Variants in MAP2K4 observed in about 807,000 individuals in gnomAD.
The protein encoded by MAP2K4 is mitogen-activated protein kinase kinase 4, also known as dual specificity mitogen-activated protein kinase kinase 4.
Under a neutral mutation model 48.5 loss-of-function variants are expected in MAP2K4, and 4 were observed. The observed-to-expected ratio is 0.08, with a 90% CI of 0.04 to 0.19. The LOEUF (loss-of-function observed/expected upper bound fraction) is 0.19, where lower values mean the gene tolerates loss of function less well. Among genes scored for constraint, MAP2K4 ranks in the 10% least tolerant of loss-of-function variants. MAP2K4 has a pLI of 1.00. For missense variants in MAP2K4, 258 were observed against 493.3 expected, an observed-to-expected ratio of 0.52 and a Z score of 4.52; for synonymous variants, 166 against 173.1, an observed-to-expected ratio of 0.96 and a Z score of 0.32.
At chr17:12,057,313 A>G (rs865875701) in intron 2 of MAP2K4, among the ~76,000 whole-genome samples, 1 of 152,216 alleles carries the variant, frequency 6.6e-6, no homozygotes. Context: ...AAAGACAGGC[A>G]GGGAAGGTTG....
chr17:12,072,220 A>G (rs2151540587), intron 2 of MAP2K4, among the ~76,000 whole-genome samples: 1 of 152,330 alleles, frequency 6.6e-6, no homozygotes, highest in African/African-American at 2.4e-5. Flanking sequence ...AACTAGCCTA[A>G]TATACTTTTT....
intron 2 of MAP2K4, among the ~76,000 whole-genome samples, chr17:12,061,622 A>G (rs182989293): frequency 5.8e-4 from 89 of 152,322 alleles, no homozygotes; most frequent in Non-Finnish European, 1.1e-3. Context: ...GTTATAAATC[A>G]TCTTTGTTCT....
At chr17:12,117,706 G>A (rs1005597842) in intron 7 of MAP2K4, among the ~76,000 whole-genome samples, 6 of 152,078 alleles carry the variant, frequency 3.9e-5, no homozygotes, top group Non-Finnish European at 8.8e-5. Context: ...TTGTTAAAGG[G>A]GATAAAGGGG....
intron 3 of MAP2K4, among the ~76,000 whole-genome samples, chr17:12,082,555 A>G (rs1971227527): frequency 6.6e-6 from 1 of 152,210 alleles, no homozygotes; most frequent in African/African-American, 2.4e-5. Flanking sequence ...TTGAGAATGA[A>G]TTTAAATTAA....
chr17:12,031,546 A>ATCTTATCAAAAATTACTT (rs1969438251), intron 1 of MAP2K4, among the ~76,000 whole-genome samples: 1 of 152,196 alleles, frequency 6.6e-6, no homozygotes, highest in Non-Finnish European at 1.5e-5. Flanking sequence ...ACTTTACTGG[A>ATCTTATCAAAAATTACTT]TGCATCTTAT....
intron 9 of MAP2K4, among the ~76,000 whole-genome samples, chr17:12,133,010 G>GA (rs1973082112): frequency 6.6e-6 from 1 of 152,112 alleles, no homozygotes; most frequent in Non-Finnish European, 1.5e-5. Flanking sequence ...TTTTTTTGGG[G>GA]AAAAAATCTG....
intron 1 of MAP2K4, among the ~76,000 whole-genome samples, chr17:12,027,488 C>T (rs566451455): frequency 2.0e-5 from 3 of 152,166 alleles, no homozygotes; most frequent in Admixed American, 6.5e-5. Flanking sequence ...TGAACATACA[C>T]ACACACACAC....
chr17:12,142,431 T>C lies in MAP2K4; in HGVS notation c.*1171T>C, dbSNP rs928209569. On this transcript the variant is annotated 3_prime_UTR_variant, in exon 11 of 11. Coordinates refer to ENST00000353533, the MANE Select transcript of MAP2K4 (RefSeq NM_003010.4). ...GCTTAATCCAATATTTTGCCTTTTT[T>C]CTATATCAAAAAACCTTTACAGTTA... 1 of 233,110 alleles carries C rather than the reference T, an allele frequency of 4.3e-6. No individual in the cohort carries two copies. Among genetic ancestry groups the C allele is most frequent in the Non-Finnish European group, 8.5e-6 (1 of 117,936 alleles). 14.4% of individuals were successfully genotyped at this position (233,110 alleles called of 1,614,324 possible). A position where few individuals can be genotyped will look rare whatever the true frequency, so the allele number is the denominator to read the frequency against.
At chr17:12,078,128 A>C (rs11653523) in intron 2 of MAP2K4, among the ~76,000 whole-genome samples, 2,083 of 152,312 alleles carry the variant, frequency 0.014, 17 homozygotes, top group East Asian at 0.047. Context: ...TGGGAAATGT[A>C]GCCTTTTAGC....
intron 9 of MAP2K4, among the ~76,000 whole-genome samples, chr17:12,138,785 A>T (rs559714689): frequency 4.6e-5 from 7 of 152,262 alleles, no homozygotes; most frequent in Admixed American, 6.5e-5. Flanking sequence ...TGGGCAGAAG[A>T]AGTTCAGTTG....
intron 1 of MAP2K4, among the ~76,000 whole-genome samples, chr17:12,030,929 A>T (rs1340687097): frequency 6.6e-6 from 1 of 152,126 alleles, no homozygotes; most frequent in Non-Finnish European, 1.5e-5. Flanking sequence ...CTTCCAGAGA[A>T]CCCTTTTCTT....
intron 1 of MAP2K4, among the ~76,000 whole-genome samples, chr17:12,034,483 C>T (rs372862309): frequency 3.9e-5 from 6 of 152,192 alleles, no homozygotes; most frequent in Non-Finnish European, 4.4e-5. Context: ...TTTATTTCTG[C>T]CTCTTCCCAT....
At chr17:12,131,492 G>A (rs184185239) in intron 9 of MAP2K4, among the ~76,000 whole-genome samples, 2 of 151,438 alleles carry the variant, frequency 1.3e-5, no homozygotes, top group East Asian at 3.9e-4. Flanking sequence ...TGATCTGCCC[G>A]CCTCGACCTC....
chr17:12,068,266 G>A (rs1301999141), intron 2 of MAP2K4, among the ~76,000 whole-genome samples: 2 of 152,184 alleles, frequency 1.3e-5, no homozygotes, highest in Non-Finnish European at 2.9e-5. Flanking sequence ...CATCCAAAGT[G>A]CAGTGGGGAG....
intron 2 of MAP2K4, among the ~76,000 whole-genome samples, chr17:12,072,142 T>C (rs548045763): frequency 2.1e-4 from 32 of 152,318 alleles, no homozygotes; most frequent in Admixed American, 5.9e-4. Context: ...ATGGAGATGA[T>C]CATAGAAGAA....
intron 1 of MAP2K4, among the ~76,000 whole-genome samples, chr17:12,022,275 A>G (rs565739559): frequency 2.3e-4 from 35 of 152,344 alleles, no homozygotes; most frequent in African/African-American, 6.7e-4. Flanking sequence ...AATATACATA[A>G]AAACCAGTGA....
At chr17:12,024,105 G>T (rs114476242) in intron 1 of MAP2K4, among the ~76,000 whole-genome samples, 1,718 of 152,164 alleles carry the variant, frequency 0.011, 28 homozygotes, top group African/African-American at 0.038. Context: ...TTATTGAGCA[G>T]TCCTTTCAGA....
chr17:12,089,626 G>T (rs147206709), intron 3 of MAP2K4, among the ~76,000 whole-genome samples: 4 of 152,080 alleles, frequency 2.6e-5, no homozygotes, highest in Admixed American at 1.3e-4. Flanking sequence ...GCAGCTACAG[G>T]TGTACCTGTG....
chr17:12,032,324 T>A (rs1013350399), intron 1 of MAP2K4: 1 of 1,258,018 alleles, frequency 7.9e-7, no homozygotes, highest in South Asian at 2.0e-5. Flanking sequence ...TATGATATTA[T>A]GCTATTTATT....
Sources: gnomAD v4.1 joint callset for allele counts (sites outside exome capture counted in the v4.1 genomes callset) on GRCh38, gnomAD v4.1.1 for gene constraint, MANE v1.5 for transcripts, NCBI Gene and HGNC (gene_info 2026-07-23, HGNC 2026-07-21) for gene names.